The following PRP4K variants were observed in gnomAD, a reference collection of about 807,000 sequenced individuals.
The protein encoded by PRP4K is serine/threonine-protein kinase PRP4 homolog.
chr6:4,039,087 A>G, the PRP4K span, among the ~76,000 whole-genome samples: 9 of 152,154 alleles, frequency 5.9e-5, no homozygotes, highest in African/African-American at 2.2e-4. Flanking sequence ...TCTTTGCTAT[A>G]TTGTGTTTCT....
At chr6:4,038,450 T>C in the PRP4K span, among the ~76,000 whole-genome samples, 3 of 124,530 alleles carry the variant, frequency 2.4e-5, no homozygotes, top group African/African-American at 8.1e-5. Flanking sequence ...CATGCCCAGC[T>C]TTTTTTTTTT....
the PRP4K span, among the ~76,000 whole-genome samples, chr6:4,027,716 T>C: frequency 6.6e-6 from 1 of 151,948 alleles, no homozygotes; most frequent in East Asian, 1.9e-4. Flanking sequence ...TTCTCCGTCA[T>C]GTAGATGAAA....
At chr6:4,055,881 A>C in the PRP4K span, among the ~76,000 whole-genome samples, 1 of 152,160 alleles carries the variant, frequency 6.6e-6, no homozygotes, top group South Asian at 2.1e-4. Context: ...TTTTTGTCCA[A>C]GTTTATTCTG....
the PRP4K span, chr6:4,042,355 G>T: frequency 3.1e-6 from 2 of 648,372 alleles, no homozygotes. Context: ...GAGATGGTTT[G>T]GAAACAAAAG....
At chr6:4,054,069 G>T in the PRP4K span, among the ~76,000 whole-genome samples, 3 of 151,876 alleles carry the variant, frequency 2.0e-5, no homozygotes, top group African/African-American at 7.3e-5. Context: ...ACATGCCACT[G>T]TGACTGCCTA....
chr6:4,036,175 T>G, the PRP4K span, among the ~76,000 whole-genome samples: 3 of 152,136 alleles, frequency 2.0e-5, no homozygotes, highest in African/African-American at 7.2e-5. Flanking sequence ...TAAAACTCAC[T>G]GAAAGGTACT....
At chr6:4,054,463 A>T in the PRP4K span, among the ~76,000 whole-genome samples, 1 of 137,236 alleles carries the variant, frequency 7.3e-6, no homozygotes, top group Non-Finnish European at 1.6e-5. Flanking sequence ...TAGGTACATT[A>T]AAAATGAAGT....
the PRP4K span, chr6:4,047,315 A>G: frequency 1.6e-6 from 2 of 1,228,192 alleles, no homozygotes; most frequent in Non-Finnish European, 2.3e-6. Flanking sequence ...GTATATACAT[A>G]TAGAGAAAGA....
the PRP4K span, among the ~76,000 whole-genome samples, chr6:4,045,882 T>G: frequency 6.6e-6 from 1 of 152,216 alleles, no homozygotes; most frequent in Non-Finnish European, 1.5e-5. Context: ...TTTTTAGGAA[T>G]CATCTTTTTT....
At chr6:4,046,283 G>A in the PRP4K span, among the ~76,000 whole-genome samples, 4 of 152,204 alleles carry the variant, frequency 2.6e-5, no homozygotes, top group Non-Finnish European at 1.5e-5. Context: ...CCAGAGCCTT[G>A]TTAACAGAAT....
chr6:4,058,081 C>T, the PRP4K span, among the ~76,000 whole-genome samples: 1 of 152,128 alleles, frequency 6.6e-6, no homozygotes, highest in Non-Finnish European at 1.5e-5. Context: ...TTATAGCTCA[C>T]TGCAGCCTTG....
At chr6:4,032,175 A>T in the PRP4K span, 1 of 1,613,950 alleles carries the variant, frequency 6.2e-7, no homozygotes, top group Non-Finnish European at 8.5e-7. Flanking sequence ...GTCAAAGGAG[A>T]GGAAAAAATC....
chr6:4,054,647 C>T, the PRP4K span, among the ~76,000 whole-genome samples: 1 of 152,188 alleles, frequency 6.6e-6, no homozygotes, highest in Admixed American at 6.5e-5. Context: ...ACTGGGATTA[C>T]AGGCAGGGGC....
chr6:4,022,154 ATTTTTT>A, the PRP4K span, among the ~76,000 whole-genome samples: 7 of 92,014 alleles, frequency 7.6e-5, no homozygotes, highest in East Asian at 7.1e-4. Flanking sequence ...GAGGCCTGGC[ATTTTTT>A]TTTTTTTTTT....
the PRP4K span, among the ~76,000 whole-genome samples, chr6:4,051,801 A>G: frequency 6.6e-6 from 1 of 152,234 alleles, no homozygotes; most frequent in Non-Finnish European, 1.5e-5. Context: ...TGATATATAG[A>G]GACACCATTT....
chr6:4,032,729 A>G, the PRP4K span: 2 of 1,580,712 alleles, frequency 1.3e-6, no homozygotes, highest in Non-Finnish European at 1.7e-6. Flanking sequence ...GACGAGAACC[A>G]GAGAGGAGAC....
chr6:4,051,805 A>G, the PRP4K span: 1 of 518,076 alleles, frequency 1.9e-6, no homozygotes, highest in Non-Finnish European at 3.4e-6. Context: ...ATATAGAGAC[A>G]CCATTTCTCA....
At chr6:4,041,868 A>G in the PRP4K span, among the ~76,000 whole-genome samples, 1 of 152,250 alleles carries the variant, frequency 6.6e-6, no homozygotes, top group Middle Eastern at 3.2e-3. Flanking sequence ...ATTCTGATAG[A>G]ATCAGAGTAT....
the PRP4K span, among the ~76,000 whole-genome samples, chr6:4,055,473 T>A: frequency 0.71 from 107,677 of 152,068 alleles, 38,195 homozygotes; most frequent in East Asian, 0.77. Context: ...CCTAAGGCTA[T>A]AGTGTTATGC....
Sources: gnomAD v4.1 joint callset for allele counts (sites outside exome capture counted in the v4.1 genomes callset) on GRCh38, gnomAD v4.1.1 for gene constraint, MANE v1.5 for transcripts, NCBI Gene and HGNC (gene_info 2026-07-23, HGNC 2026-07-21) for gene names.